Variants in RTL4 observed in about 807,000 individuals in gnomAD.
RTL4 encodes the protein retrotransposon Gag like 4, also known as retrotransposon Gag-like protein 4.
Under a neutral mutation model 5.3 loss-of-function variants are expected in RTL4, and 4 were observed. The observed-to-expected ratio is 0.75, with a 90% CI of 0.37 to 1.72. The LOEUF (loss-of-function observed/expected upper bound fraction) is 1.72, where lower values mean the gene tolerates loss of function less well. RTL4 is among the 40% of genes most tolerant of loss of function. RTL4 has a pLI of 0.04. For missense variants in RTL4, 260 were observed against 227.1 expected, an observed-to-expected ratio of 1.14 and a Z score of -0.93; for synonymous variants, 98 against 87.3, an observed-to-expected ratio of 1.12 and a Z score of -0.68.
At chrX:112,325,005 G>A in the RTL4 span, among the ~76,000 whole-genome samples, 2 of 111,403 alleles carry the variant, frequency 1.8e-5, no homozygotes, top group Admixed American at 9.6e-5. Flanking sequence ...TACACCAATA[G>A]CAGACAAACA....
chrX:112,262,842 C>T, the RTL4 span, among the ~76,000 whole-genome samples: 5 of 111,015 alleles, frequency 4.5e-5, no homozygotes, highest in South Asian at 1.9e-3. Flanking sequence ...GGAACATATA[C>T]ACCATGGAAT....
the RTL4 span, chrX:112,320,365 G>T: frequency 1.8e-4 from 20 of 109,489 alleles, no homozygotes; most frequent in African/African-American, 6.3e-4. Context: ...GTTTTGGTAT[G>T]GGTTCTTATT....
chrX:112,404,256 G>A, the RTL4 span, among the ~76,000 whole-genome samples: 1 of 112,016 alleles, frequency 8.9e-6, no homozygotes, highest in Non-Finnish European at 1.9e-5. Flanking sequence ...GTATTCATAT[G>A]CTGTATTGAA....
the RTL4 span, among the ~76,000 whole-genome samples, chrX:112,098,172 AT>A: frequency 1.1e-5 from 1 of 87,908 alleles, no homozygotes; most frequent in African/African-American, 4.5e-5. Flanking sequence ...ATGTGTTCTC[AT>A]TGTTCAATTC....
chrX:112,305,887 G>T, the RTL4 span, among the ~76,000 whole-genome samples: 1 of 111,621 alleles, frequency 9.0e-6, no homozygotes, highest in Non-Finnish European at 1.9e-5. Flanking sequence ...CTCAGGCACA[G>T]ACTTGCTGCC....
the RTL4 span, among the ~76,000 whole-genome samples, chrX:112,260,860 T>C: frequency 1.3e-4 from 15 of 111,753 alleles, no homozygotes; most frequent in Non-Finnish European, 2.4e-4. Context: ...AACCCATGAA[T>C]ACCTAATCTT....
At chrX:112,379,445 T>C in the RTL4 span, among the ~76,000 whole-genome samples, 5 of 112,601 alleles carry the variant, frequency 4.4e-5, no homozygotes, top group South Asian at 1.8e-3. Context: ...ACTTACGTAA[T>C]CATGTTGTTC....
At chrX:112,168,166 G>T in the RTL4 span, among the ~76,000 whole-genome samples, 1 of 111,004 alleles carries the variant, frequency 9.0e-6, no homozygotes, top group Non-Finnish European at 1.9e-5. Flanking sequence ...CACTTTGTGT[G>T]TCATCAGTTT....
chrX:112,287,479 T>C, the RTL4 span, among the ~76,000 whole-genome samples: 2 of 111,982 alleles, frequency 1.8e-5, no homozygotes, highest in African/African-American at 6.5e-5. Context: ...AATTTACTAA[T>C]CTTGGACGTA....
At chrX:112,120,635 A>G in the RTL4 span, among the ~76,000 whole-genome samples, 1 of 105,761 alleles carries the variant, frequency 9.5e-6, no homozygotes, top group Admixed American at 1.0e-4. Flanking sequence ...ACAAGTCCTC[A>G]AGGTTAGTAG....
chrX:112,217,055 G>A, the RTL4 span, among the ~76,000 whole-genome samples: 3 of 111,830 alleles, frequency 2.7e-5, no homozygotes, highest in East Asian at 8.4e-4. Context: ...TTGGCTAGAG[G>A]TTAGCACTGG....
At chrX:112,200,450 G>A in the RTL4 span, among the ~76,000 whole-genome samples, 7 of 111,924 alleles carry the variant, frequency 6.3e-5, no homozygotes, top group Admixed American at 5.7e-4. Context: ...CATATAGTAG[G>A]CTCCCAATAA....
At chrX:112,189,868 AC>A in the RTL4 span, among the ~76,000 whole-genome samples, 16 of 112,187 alleles carry the variant, frequency 1.4e-4, no homozygotes, top group Non-Finnish European at 2.6e-4. Context: ...GTGGGTCATC[AC>A]TGTATATGGA....
the RTL4 span, among the ~76,000 whole-genome samples, chrX:112,263,951 C>T: frequency 9.0e-6 from 1 of 111,643 alleles, no homozygotes; most frequent in African/African-American, 3.3e-5. Flanking sequence ...GGATTCATCT[C>T]ACTCTTTTGG....
the RTL4 span, among the ~76,000 whole-genome samples, chrX:112,417,640 C>T: frequency 9.0e-6 from 1 of 111,040 alleles, no homozygotes; most frequent in Non-Finnish European, 1.9e-5. Flanking sequence ...TCTCAAAGGG[C>T]AGACTCCTGA....
the RTL4 span, among the ~76,000 whole-genome samples, chrX:112,129,594 G>C: frequency 8.9e-6 from 1 of 112,162 alleles, no homozygotes; most frequent in African/African-American, 3.2e-5. Context: ...TTGAAGTCAT[G>C]AACAATGCAA....
chrX:112,136,237 A>G, the RTL4 span, among the ~76,000 whole-genome samples: 1 of 111,771 alleles, frequency 8.9e-6, no homozygotes, highest in Non-Finnish European at 1.9e-5. Context: ...TGCTATCATT[A>G]GGTTTTTCTA....
exon 1 of RTL4, chrX:112,456,758 G>A (rs1354548619): frequency 7.1e-6 from 1 of 140,945 alleles, no homozygotes; most frequent in East Asian, 2.0e-4. Flanking sequence ...TCATCTAATT[G>A]AGGATCTTAA....
At chrX:112,356,579 G>GGTGTGTGT in the RTL4 span, among the ~76,000 whole-genome samples, 95 of 99,449 alleles carry the variant, frequency 9.6e-4, 1 homozygote, top group African/African-American at 3.5e-3. Context: ...TTTGTTTTGG[G>GGTGTGTGT]GTGTGTGTGT....
Sources: gnomAD v4.1 joint callset for allele counts (sites outside exome capture counted in the v4.1 genomes callset) on GRCh38, gnomAD v4.1.1 for gene constraint, MANE v1.5 for transcripts, NCBI Gene and HGNC (gene_info 2026-07-23, HGNC 2026-07-21) for gene names.